The following CNKSR3 variants were observed in gnomAD, a reference collection of about 807,000 sequenced individuals.
CNKSR3 encodes the protein connector enhancer of kinase suppressor of ras 3.
Under a neutral mutation model 67.7 loss-of-function variants are expected in CNKSR3, and 36 were observed. The ratio of observed to expected loss-of-function variants is 0.53; its 90% CI spans 0.41 to 0.70. CNKSR3 has a LOEUF of 0.70. CNKSR3 is among the 30% of genes least tolerant of loss of function. The pLI, the probability that CNKSR3 is intolerant of heterozygous loss-of-function variation, is 0.00. For synonymous variants in CNKSR3, 281 were observed against 271.4 expected (o/e 1.04, Z -0.35); for missense variants, 630 against 695.2 (o/e 0.91, Z 1.05).
chr6:154,412,866 G>C (rs1313437322), intron 10 of CNKSR3, among the ~76,000 whole-genome samples: 1 of 152,076 alleles, frequency 6.6e-6, no homozygotes, highest in African/African-American at 2.4e-5. Flanking sequence ...ATATATGCTT[G>C]AATTGTTGAA....
chr6:154,433,769 G>A (rs895626344), intron 4 of CNKSR3: 10 of 356,180 alleles, frequency 2.8e-5, no homozygotes, highest in Non-Finnish European at 4.5e-5. Flanking sequence ...TACTTAATTT[G>A]AAAACTTACA....
chr6:154,495,600 C>A (rs1486682760), intron 1 of CNKSR3, among the ~76,000 whole-genome samples: 2 of 151,106 alleles, frequency 1.3e-5, no homozygotes, highest in East Asian at 3.9e-4. Context: ...GTTTTAAACT[C>A]CTGGCCTCAA....
At chr6:154,509,979 A>C in intron 1 of CNKSR3, 84 bp downstream of exon 1, 1 of 1,462,838 alleles carries the variant, frequency 6.8e-7, no homozygotes, top group Non-Finnish European at 9.6e-7. Flanking sequence ...GCCGGGAGGA[A>C]GGGCCAAGTA....
At chr6:154,439,040 T>A (rs932362439) in intron 4 of CNKSR3, among the ~76,000 whole-genome samples, 6 of 152,098 alleles carry the variant, frequency 3.9e-5, no homozygotes, top group African/African-American at 1.4e-4. Context: ...GCCCATCCCA[T>A]CAGACAAGCA....
At chr6:154,461,993 G>A (rs762693978) in intron 1 of CNKSR3, among the ~76,000 whole-genome samples, 1 of 152,246 alleles carries the variant, frequency 6.6e-6, no homozygotes, top group African/African-American at 2.4e-5. Flanking sequence ...GGGCCGAAAC[G>A]GCTGGGGACA....
rs527925091 is a variant in CNKSR3 at position 154,451,642 on chromosome 6, C to T, written c.53-1384G>A. Among the ~76,000 whole-genome samples the T allele has an allele frequency of 9.2e-5, 14 of 152,320 alleles. No individual in the cohort carries two copies. The South Asian group carries it at 2.9e-3, about 32-fold the overall frequency. ...GGCCCAGCACTTACTTTTTGTAATACTAAAGTCTATGGATATTATAATCTG... is the reference window on the plus strand; with the variant it reads ...GGCCCAGCACTTACTTTTTGTAATATTAAAGTCTATGGATATTATAATCTG... On this transcript the variant is annotated intron_variant, in intron 1 of 12. Coordinates refer to ENST00000607772, the MANE Select transcript of CNKSR3 (RefSeq NM_173515.4).
chr6:154,434,759 C>CATG (rs1359110416), intron 4 of CNKSR3, among the ~76,000 whole-genome samples: 1 of 152,122 alleles, frequency 6.6e-6, no homozygotes, highest in East Asian at 1.9e-4. Flanking sequence ...TTATCTTAAA[C>CATG]TACAGGAGCG....
chr6:154,418,519 C>T (rs1785069445), intron 9 of CNKSR3, among the ~76,000 whole-genome samples: 1 of 152,192 alleles, frequency 6.6e-6, no homozygotes, highest in African/African-American at 2.4e-5. Context: ...CAGGCTCCCA[C>T]CTCACAGTCC....
chr6:154,440,258 C>G (rs1029755845), intron 4 of CNKSR3, among the ~76,000 whole-genome samples: 2 of 152,132 alleles, frequency 1.3e-5, no homozygotes, highest in African/African-American at 4.8e-5. Flanking sequence ...AAAAGCACGG[C>G]TTTTCAGAAT....
chr6:154,437,777 T>C lies in CNKSR3; in HGVS notation c.507+3515A>G, dbSNP rs118144027. On this transcript the variant is annotated intron_variant, in intron 4 of 12. Coordinates refer to ENST00000607772, the MANE Select transcript of CNKSR3 (RefSeq NM_173515.4). ...GAGCACTTGTCAAGAAACATATTTT[T>C]CAATCTAAGTTCAGAAAATGATATC... Among the ~76,000 whole-genome samples the C allele has an allele frequency of 3.1e-4, 46 of 146,426 alleles. 1 individual carries two copies. The East Asian group carries it at 7.9e-3, about 25-fold the overall frequency.
At chr6:154,423,880 CT>C (rs1474165803) in intron 7 of CNKSR3, among the ~76,000 whole-genome samples, 2 of 152,122 alleles carry the variant, frequency 1.3e-5, no homozygotes, top group Non-Finnish European at 2.9e-5. Context: ...AAAATCCAGA[CT>C]TTTTTTCCTT....
intron 6 of CNKSR3, among the ~76,000 whole-genome samples, chr6:154,429,683 C>G (rs1397863732): frequency 6.6e-6 from 1 of 152,118 alleles, no homozygotes; most frequent in Non-Finnish European, 1.5e-5. Context: ...CTCCTGACAG[C>G]TACCTATACA....
At chr6:154,452,679 A>C (rs941492011) in intron 1 of CNKSR3, among the ~76,000 whole-genome samples, 1 of 152,252 alleles carries the variant, frequency 6.6e-6, no homozygotes, top group African/African-American at 2.4e-5. Flanking sequence ...AGTCCCTGGA[A>C]TGTATTTGGA....
At chr6:154,492,681 G>C (rs62432723) in intron 1 of CNKSR3, among the ~76,000 whole-genome samples, 19,286 of 150,392 alleles carry the variant, frequency 0.13, 1,383 homozygotes, top group Admixed American at 0.2. Flanking sequence ...AGGAGACGGA[G>C]ACTGCAGTGA....
intron 4 of CNKSR3, among the ~76,000 whole-genome samples, chr6:154,440,507 A>AT (rs1435952140): frequency 3.9e-5 from 6 of 152,214 alleles, no homozygotes; most frequent in Non-Finnish European, 1.5e-5. Flanking sequence ...CCAAGAAGAA[A>AT]TTTTTTTTTA....
intron 8 of CNKSR3, 77 bp downstream of exon 8, chr6:154,422,838 A>G: frequency 7.5e-7 from 1 of 1,340,618 alleles, no homozygotes; most frequent in Non-Finnish European, 1.0e-6. Context: ...GGCAAATTTT[A>G]AAAATTTAAA....
intron 1 of CNKSR3, among the ~76,000 whole-genome samples, chr6:154,469,896 A>T (rs747253608): frequency 6.6e-6 from 1 of 152,214 alleles, no homozygotes; most frequent in Non-Finnish European, 1.5e-5. Flanking sequence ...ACAGATTTAT[A>T]TCTACATATA....
rs1367220346 is a variant in CNKSR3 at position 154,391,773 on chromosome 6, ACT to A, written c.*14579_*14580del. 6.6e-6 allele frequency: 1 copy of A among 151,838 alleles called. No individual in the cohort carries two copies. The highest frequency in any genetic ancestry group is 1.5e-5 in the Non-Finnish European group (1 of 67,930). 9.4% of individuals were successfully genotyped at this position (151,838 alleles called of 1,614,324 possible). A position where few individuals can be genotyped will look rare whatever the true frequency, so the allele number is the denominator to read the frequency against. On this transcript the variant is annotated 3_prime_UTR_variant, in exon 13 of 13. Transcript: ENST00000607772. ...CTCTGTAGAGATTTGGGCTAATGCA[ACT>A]CTCTGTCACATACCTGTAGCTTCCT...
At chr6:154,466,133 T>G (rs748103231) in intron 1 of CNKSR3, among the ~76,000 whole-genome samples, 2 of 152,224 alleles carry the variant, frequency 1.3e-5, no homozygotes, top group Non-Finnish European at 2.9e-5. Flanking sequence ...AACAATATGG[T>G]ACTTTAGGCT....
Sources: allele counts gnomAD v4.1 joint callset (sites outside exome capture counted in the v4.1 genomes callset), GRCh38; gene constraint gnomAD v4.1.1; transcripts MANE v1.5; gene names NCBI Gene and HGNC (gene_info 2026-07-23, HGNC 2026-07-21).